The following ADAM12 variants were observed in gnomAD, a reference collection of about 807,000 sequenced individuals.
ADAM12 encodes the protein disintegrin and metalloproteinase domain-containing protein 12.
A neutral mutation model predicts 106.4 loss-of-function variants in ADAM12; 70 were observed. The ratio of observed to expected loss-of-function variants is 0.66; its 90% CI spans 0.54 to 0.80. The LOEUF is 0.80. Ranked by LOEUF, ADAM12 falls within the 30% of genes least tolerant of loss-of-function variation. The pLI, the probability that ADAM12 is intolerant of heterozygous loss-of-function variation, is 0.00. For missense variants in ADAM12, 1,010 were observed against 1,171.9 expected (o/e 0.86, Z 2.02); for synonymous variants, 420 against 433.5 (o/e 0.97, Z 0.39).
At chr10:126,365,616 G>A (rs1855882662) in intron 1 of ADAM12, among the ~76,000 whole-genome samples, 1 of 152,154 alleles carries the variant, frequency 6.6e-6, no homozygotes, top group African/African-American at 2.4e-5. Flanking sequence ...AGGCAGGAAG[G>A]AGAAGTGTGG....
At chr10:126,163,570 C>A (rs889798093) in intron 3 of ADAM12, among the ~76,000 whole-genome samples, 1 of 146,750 alleles carries the variant, frequency 6.8e-6, no homozygotes, top group South Asian at 2.1e-4. Flanking sequence ...AATTATCCAA[C>A]TTTAACTTTA....
At chr10:126,131,407 CT>C (rs2133664600) in intron 5 of ADAM12, among the ~76,000 whole-genome samples, 1 of 152,218 alleles carries the variant, frequency 6.6e-6, no homozygotes, top group African/African-American at 2.4e-5. Flanking sequence ...AAGCCTCATG[CT>C]GCCAACAAAA....
At chr10:126,185,064 C>G (rs1376078234) in intron 3 of ADAM12, among the ~76,000 whole-genome samples, 1 of 152,212 alleles carries the variant, frequency 6.6e-6, no homozygotes, top group Non-Finnish European at 1.5e-5. Context: ...TCTTTTCTCT[C>G]TTTCGGGGCC....
In ADAM12 at chr10:126,388,339, C is replaced by A. The variant is rs916081746; in HGVS notation, c.-194G>T. ...CCTTTCATTTTTAAAAAAGTTTCCCCCCGTGTGTGTGCGTGCGTGCGCGCG... is the reference window on the plus strand; with the variant it reads ...CCTTTCATTTTTAAAAAAGTTTCCCACCGTGTGTGTGCGTGCGTGCGCGCG... On this transcript the variant is annotated 5_prime_UTR_variant, in exon 1 of 23. Transcript: ENST00000448723. This position sits in a 1 kb window ranked among gnomAD's most constrained non-coding sequence, Gnocchi z 4.4. The A allele has an allele frequency of 2.2e-6, 2 of 900,686 alleles. No individual in the cohort carries two copies. Among genetic ancestry groups the A allele is most frequent in the Admixed American group, 4.7e-5 (1 of 21,226 alleles). 55.8% of individuals were successfully genotyped at this position (900,686 alleles called of 1,614,324 possible).
At chr10:126,063,353 G>A (rs938266958) in intron 14 of ADAM12, among the ~76,000 whole-genome samples, 1 of 152,374 alleles carries the variant, frequency 6.6e-6, no homozygotes, top group East Asian at 1.9e-4. Flanking sequence ...CCTCCCAGCA[G>A]GACCCAGCTC....
At chr10:126,259,093 GT>G (rs1282571260) in intron 3 of ADAM12, among the ~76,000 whole-genome samples, 17 of 151,998 alleles carry the variant, frequency 1.1e-4, no homozygotes, top group Admixed American at 9.8e-4. Flanking sequence ...GTAGTAAATG[GT>G]TTTATGGATT....
In ADAM12 at chr10:126,350,636, C is replaced by G. The variant is rs543607656; in HGVS notation, c.89-20127G>C. Among the ~76,000 whole-genome samples, 17 of 152,364 alleles carry G rather than the reference C, an allele frequency of 1.1e-4. No homozygotes were observed. In the East Asian group the frequency reaches 3.3e-3, roughly 29 times the overall value. On this transcript the variant is annotated intron_variant, in intron 1 of 22. Transcript: ENST00000448723. ...AGCTGTGTCTGTTGTCAGTGGCAGTCTTGTGTCGGATGTCTCCCAGTTGCC... is the reference window on the plus strand; with the variant it reads ...AGCTGTGTCTGTTGTCAGTGGCAGTGTTGTGTCGGATGTCTCCCAGTTGCC...
At chr10:126,280,784 C>T (rs190030356) in intron 2 of ADAM12, among the ~76,000 whole-genome samples, 12 of 152,114 alleles carry the variant, frequency 7.9e-5, no homozygotes, top group African/African-American at 2.7e-4. Flanking sequence ...GAAATTCTTA[C>T]GTATCTTTTC....
At chr10:126,121,034 TATGCA>T (rs1285008168) in intron 5 of ADAM12, among the ~76,000 whole-genome samples, 3 of 64,256 alleles carry the variant, frequency 4.7e-5, no homozygotes, top group Admixed American at 2.1e-4. Context: ...ATATATTATA[TATGCA>T]ATATAATATA....
At chr10:126,354,442 T>C (rs1222193641) in intron 1 of ADAM12, among the ~76,000 whole-genome samples, 2 of 83,066 alleles carry the variant, frequency 2.4e-5, no homozygotes, top group African/African-American at 9.7e-5. Context: ...GTATCTGGCA[T>C]GCAGTAGAAC....
At chr10:126,068,275 GT>G (rs747065505) in intron 12 of ADAM12, among the ~76,000 whole-genome samples, 4 of 152,118 alleles carry the variant, frequency 2.6e-5, no homozygotes, top group Non-Finnish European at 5.9e-5. Flanking sequence ...GGTCCTTATG[GT>G]CTAAATGGCT....
At chr10:126,067,319 G>T (rs541888063) in intron 12 of ADAM12, among the ~76,000 whole-genome samples, 25 of 152,364 alleles carry the variant, frequency 1.6e-4, no homozygotes, top group Non-Finnish European at 2.5e-4. Context: ...CAGGGTTGTG[G>T]ATGAGACCCT....
intron 3 of ADAM12, among the ~76,000 whole-genome samples, chr10:126,229,830 A>T (rs1958274672): frequency 2.0e-5 from 3 of 152,136 alleles, no homozygotes; most frequent in Non-Finnish European, 4.4e-5. Flanking sequence ...GCTCGAAGGC[A>T]TGATTGTTAA....
chr10:126,242,052 C>T (rs1239141166), intron 3 of ADAM12, among the ~76,000 whole-genome samples: 1 of 151,548 alleles, frequency 6.6e-6, no homozygotes, highest in Non-Finnish European at 1.5e-5. Flanking sequence ...ATATGAATCA[C>T]TCTGCTTGTT....
At chr10:126,222,485 G>A (rs764819280) in intron 3 of ADAM12, among the ~76,000 whole-genome samples, 1 of 150,504 alleles carries the variant, frequency 6.6e-6, no homozygotes. Flanking sequence ...CTGACTCCCA[G>A]TGAGTGCTCG....
At chr10:126,160,377 C>G (rs1474000926) in intron 3 of ADAM12, among the ~76,000 whole-genome samples, 1 of 152,142 alleles carries the variant, frequency 6.6e-6, no homozygotes, top group Admixed American at 6.5e-5. Context: ...ACCAACTCCC[C>G]CCTCTCCAAA....
chr10:126,283,675 A>T (rs4962334), intron 2 of ADAM12, among the ~76,000 whole-genome samples: 1 of 151,844 alleles, frequency 6.6e-6, no homozygotes, highest in African/African-American at 2.4e-5. Flanking sequence ...TTCTCTTGTC[A>T]TTGTGAATTT....
intron 8 of ADAM12, among the ~76,000 whole-genome samples, chr10:126,108,391 C>A (rs984211646): frequency 1.3e-5 from 2 of 152,146 alleles, no homozygotes; most frequent in South Asian, 2.1e-4. Flanking sequence ...ACCAAGGCCA[C>A]CATAGTCCAG....
intron 5 of ADAM12, among the ~76,000 whole-genome samples, chr10:126,130,089 C>G (rs761758914): frequency 3.3e-5 from 5 of 152,126 alleles, no homozygotes; most frequent in Non-Finnish European, 5.9e-5. Flanking sequence ...CTCCAGGTTC[C>G]TAGATCTTAA....
Sources: gnomAD v4.1 joint callset for allele counts (sites outside exome capture counted in the v4.1 genomes callset) on GRCh38, gnomAD v4.1.1 for gene constraint, Gnocchi (gnomAD v3.1) non-coding constraint, MANE v1.5 for transcripts, NCBI Gene and HGNC (gene_info 2026-07-23, HGNC 2026-07-21) for gene names.